The following PLEKHG1 variants were observed in gnomAD, a reference collection of about 807,000 sequenced individuals.
PLEKHG1 encodes the protein pleckstrin homology and RhoGEF domain containing G1.
In PLEKHG1, 44 loss-of-function variants were observed where a neutral mutation model predicts 100.8. That is an observed-to-expected ratio of 0.44 (90% confidence interval 0.34 to 0.56). The LOEUF is 0.56. Ranked by LOEUF, PLEKHG1 falls within the 20% of genes least tolerant of loss-of-function variation. PLEKHG1 has a pLI of 0.01. For synonymous variants in PLEKHG1, 640 were observed against 662.5 expected (o/e 0.97, Z 0.52); for missense variants, 1,545 against 1,720.9 (o/e 0.90, Z 1.81).
chr6:150,746,759 A>T (rs1783187064), intron 2 of PLEKHG1, among the ~76,000 whole-genome samples: 1 of 152,272 alleles, frequency 6.6e-6, no homozygotes, highest in Non-Finnish European at 1.5e-5. Flanking sequence ...TGAGTTTCTA[A>T]TGCTAAAATT....
intron 3 of PLEKHG1, among the ~76,000 whole-genome samples, chr6:150,652,462 C>G (rs907044152): frequency 1.3e-5 from 2 of 152,206 alleles, no homozygotes; most frequent in Non-Finnish European, 1.5e-5. Context: ...GTGACTCATG[C>G]CTGTAATCCC....
intron 2 of PLEKHG1, among the ~76,000 whole-genome samples, chr6:150,639,926 G>GC (rs1778181225): frequency 6.6e-6 from 1 of 152,210 alleles, no homozygotes; most frequent in African/African-American, 2.4e-5. Flanking sequence ...TCCTTTTAGG[G>GC]CTAGAAGGGA....
chr6:150,685,811 A>T (rs1430043227), intron 3 of PLEKHG1, among the ~76,000 whole-genome samples: 1 of 152,186 alleles, frequency 6.6e-6, no homozygotes, highest in Non-Finnish European at 1.5e-5. Flanking sequence ...AACTATCTTG[A>T]TCTTATTAAA....
At chr6:150,634,313 TG>T (rs1414255002) in intron 1 of PLEKHG1, among the ~76,000 whole-genome samples, 1 of 146,702 alleles carries the variant, frequency 6.8e-6, no homozygotes, top group Non-Finnish European at 1.5e-5. Flanking sequence ...AGCAGCCACA[TG>T]GGAGGTAGAA....
At chr6:150,728,958 A>T (rs1254847289) in intron 1 of PLEKHG1, among the ~76,000 whole-genome samples, 1 of 152,228 alleles carries the variant, frequency 6.6e-6, no homozygotes, top group Non-Finnish European at 1.5e-5. Context: ...ATTTAACCTA[A>T]TCCAAAATAT....
At chr6:150,742,564 CAAAAAAAAAAAAAAA>C (rs58003146) in intron 2 of PLEKHG1, among the ~76,000 whole-genome samples, 6 of 48,368 alleles carry the variant, frequency 1.2e-4, no homozygotes, top group South Asian at 1.2e-3. Flanking sequence ...GACTCCATCT[CAAAAAAAAAAAAAAA>C]AAAAAAAAAA....
At chr6:150,738,286 A>G (rs1390841674) in intron 2 of PLEKHG1, among the ~76,000 whole-genome samples, 3 of 152,246 alleles carry the variant, frequency 2.0e-5, no homozygotes, top group African/African-American at 7.2e-5. Flanking sequence ...TGCATGCCGT[A>G]TAGATACATA....
intron 1 of PLEKHG1, among the ~76,000 whole-genome samples, chr6:150,601,321 A>G (rs1776349684): frequency 6.6e-6 from 1 of 152,076 alleles, no homozygotes; most frequent in Non-Finnish European, 1.5e-5. Context: ...AGATCAGAAA[A>G]TTTTCGAACT....
intron 10 of PLEKHG1, among the ~76,000 whole-genome samples, chr6:150,812,691 G>T (rs201803922): frequency 2.6e-5 from 4 of 152,136 alleles, no homozygotes; most frequent in African/African-American, 9.7e-5. Context: ...TTCTCGTCTG[G>T]CTCGAATGCC....
chr6:150,735,417 A>G (rs962941379), intron 2 of PLEKHG1, among the ~76,000 whole-genome samples: 5 of 152,218 alleles, frequency 3.3e-5, no homozygotes, highest in African/African-American at 1.2e-4. Flanking sequence ...AGTACAGTAG[A>G]ATATTGCCAA....
Position 150,839,963 on chromosome 6 carries a change from G to C in PLEKHG1, c.3225G>C (p.Gln1075His). 3 of 1,613,984 alleles carry C rather than the reference G, an allele frequency of 1.9e-6. No homozygotes were observed. The Admixed American group carries it at 5.0e-5, about 27-fold the overall frequency. Residue 1075 changes from glutamine to histidine, a missense_variant, in exon 16 of 16, where the codon CAG becomes CAC. Transcript: ENST00000358517. ...TCCTGAGGTCTGTGTCACCTTCCCAGGTCCACCATGGTAGTGGAGACTGGC... is the reference window on the plus strand; with the variant it reads ...TCCTGAGGTCTGTGTCACCTTCCCACGTCCACCATGGTAGTGGAGACTGGC...
chr6:150,696,693 A>G (rs1287793709), intron 3 of PLEKHG1, among the ~76,000 whole-genome samples: 1 of 152,204 alleles, frequency 6.6e-6, no homozygotes, highest in African/African-American at 2.4e-5. Context: ...GATTTTTTTT[A>G]AAGTCTAGAG....
chr6:150,775,044 G>A (rs742637), intron 3 of PLEKHG1, among the ~76,000 whole-genome samples: 24 of 151,974 alleles, frequency 1.6e-4, no homozygotes, highest in African/African-American at 5.8e-4. Flanking sequence ...TTATTTTTGT[G>A]TTCTTTTTGA....
chr6:150,814,665 G>A (rs1787749022), intron 10 of PLEKHG1, among the ~76,000 whole-genome samples: 2 of 152,132 alleles, frequency 1.3e-5, no homozygotes, highest in African/African-American at 2.4e-5. Context: ...GCTCCAAAGA[G>A]CATCCTAACC....
rs936366704 is a variant in PLEKHG1, at chr6:150,839,756, T to C, written c.3095-77T>C. On this transcript the variant is annotated intron_variant, in intron 15 of 15. Coordinates refer to ENST00000358517, the Ensembl canonical transcript of PLEKHG1. Reference sequence around the variant, plus strand: ...AAATTTTAAAATACGTTGGTTAGAATGTTATTCTCTTATTTTTAATCTTCA... The same window carrying C: ...AAATTTTAAAATACGTTGGTTAGAACGTTATTCTCTTATTTTTAATCTTCA... 43 of 923,320 alleles carry C rather than the reference T, an allele frequency of 4.7e-5. No individual in the cohort carries two copies. In the Admixed American group the frequency reaches 6.6e-4, roughly 14 times the overall value. 57.2% of individuals were successfully genotyped at this position (923,320 alleles called of 1,614,324 possible).
intron 3 of PLEKHG1, among the ~76,000 whole-genome samples, chr6:150,691,439 T>A (rs1053102771): frequency 1.3e-5 from 2 of 152,236 alleles, no homozygotes; most frequent in Non-Finnish European, 2.9e-5. Context: ...GCCTGTGTAA[T>A]CTGTCTTGAT....
At chr6:150,786,076 G>A (rs189647954) in intron 3 of PLEKHG1, among the ~76,000 whole-genome samples, 190 of 151,778 alleles carry the variant, frequency 1.3e-3, no homozygotes, top group African/African-American at 4.4e-3. Context: ...TACCTAGGCA[G>A]CTATTTGATG....
intron 4 of PLEKHG1, among the ~76,000 whole-genome samples, chr6:150,792,696 A>AC (rs2128657179): frequency 7.0e-6 from 1 of 143,872 alleles, no homozygotes; most frequent in East Asian, 2.2e-4. Flanking sequence ...ACAACAAAAA[A>AC]AAACCACACC....
intron 14 of PLEKHG1, among the ~76,000 whole-genome samples, chr6:150,827,428 T>C (rs1205619659): frequency 6.6e-6 from 1 of 151,862 alleles, no homozygotes; most frequent in African/African-American, 2.4e-5. Context: ...CAGGCATGCA[T>C]CACCATGCCC....
Sources: allele counts gnomAD v4.1 joint callset (sites outside exome capture counted in the v4.1 genomes callset), GRCh38; gene constraint gnomAD v4.1.1; transcripts MANE v1.5; gene names NCBI Gene and HGNC (gene_info 2026-07-23, HGNC 2026-07-21).